BAZ2B: variants seen among roughly 807,000 people sequenced by gnomAD.
BAZ2B encodes the protein bromodomain adjacent to zinc finger domain protein 2B.
In BAZ2B, 91 loss-of-function variants were observed where a neutral mutation model predicts 246.0. That is an observed-to-expected ratio of 0.37 (90% CI 0.31 to 0.44). The LOEUF (loss-of-function observed/expected upper bound fraction) is 0.44, where lower values mean the gene tolerates loss of function less well. BAZ2B is among the 20% of genes least tolerant of loss of function. The pLI is 1.00. For synonymous variants in BAZ2B, 855 were observed against 860.0 expected (o/e 0.99, Z 0.10); for missense variants, 2,332 against 2,533.7 (o/e 0.92, Z 1.71).
chr2:159,686,188 C>G, the BAZ2B span, among the ~76,000 whole-genome samples: 1 of 152,068 alleles, frequency 6.6e-6, no homozygotes, highest in Admixed American at 6.6e-5. Context: ...AGCCCTTGAA[C>G]CCAGGAGTTC....
At chr2:159,335,537 C>T (rs925465415) in intron 33 of BAZ2B, among the ~76,000 whole-genome samples, 1 of 64,664 alleles carries the variant, frequency 1.5e-5, no homozygotes, top group Non-Finnish European at 3.5e-5. Flanking sequence ...AACAGAGACT[C>T]TGTCTCAAAA....
chr2:159,576,557 A>T (rs952819594), intron 1 of BAZ2B, among the ~76,000 whole-genome samples: 1 of 151,082 alleles, frequency 6.6e-6, no homozygotes, highest in African/African-American at 2.4e-5. Context: ...AGAACCCAGA[A>T]TTGGTAGTTT....
chr2:159,428,384 C>T lies in BAZ2B; in HGVS notation c.2291G>A (p.Gly764Glu). Residue 764 changes from glycine (G) to glutamate (E), a missense_variant, in exon 12 of 37, where the codon GGG becomes GAG. Coordinates refer to ENST00000392783, the MANE Select transcript of BAZ2B (RefSeq NM_013450.4). The stretch of plus-strand genomic sequence containing the variant: ...ATATGCTACTTCTCCTTGAAGGCGC[C>T]CTCCAAAGTTTCTTATTCTTGTCTC... The part of the protein sequence containing the change: ...QRETRIRNFG[G>E]RLQGEVAYYA... 6.2e-7 allele frequency: 1 copy of T among 1,613,126 alleles called. No individual in the cohort carries two copies. The highest frequency in any genetic ancestry group is 8.5e-7 in the Non-Finnish European group (1 of 1,179,558).
intron 1 of BAZ2B, among the ~76,000 whole-genome samples, chr2:159,560,471 GA>G (rs1309376469): frequency 9.9e-5 from 15 of 152,118 alleles, no homozygotes; most frequent in Admixed American, 7.2e-4. Flanking sequence ...TGTTATCTTG[GA>G]TTATGGACCA....
chr2:159,539,207 T>C (rs1443047739), intron 2 of BAZ2B, among the ~76,000 whole-genome samples: 1 of 152,200 alleles, frequency 6.6e-6, no homozygotes, highest in Non-Finnish European at 1.5e-5. Context: ...TGTGTCTGTC[T>C]CTCCAGTAGA....
At chr2:159,420,640 A>C (rs1443773802) in intron 13 of BAZ2B, among the ~76,000 whole-genome samples, 3 of 152,218 alleles carry the variant, frequency 2.0e-5, no homozygotes, top group African/African-American at 7.2e-5. Flanking sequence ...TTTCAAAATA[A>C]TACGTTATTA....
chr2:159,689,976 A>G, the BAZ2B span: 1 of 373,530 alleles, frequency 2.7e-6, no homozygotes, highest in Admixed American at 4.0e-5. Flanking sequence ...ATTGTCTGCC[A>G]TTTTTTGACC....
At chr2:159,358,302 G>A (rs2059329108) in intron 27 of BAZ2B, among the ~76,000 whole-genome samples, 1 of 152,034 alleles carries the variant, frequency 6.6e-6, no homozygotes, top group Admixed American at 6.6e-5. Flanking sequence ...AAAACAGAAG[G>A]GGTTGCAATC....
At chr2:159,698,244 A>C in the BAZ2B span, among the ~76,000 whole-genome samples, 44 of 152,138 alleles carry the variant, frequency 2.9e-4, no homozygotes, top group Non-Finnish European at 5.6e-4. Context: ...TTACTAGGCC[A>C]GGCATAGTGG....
At chr2:159,574,098 C>G (rs11897242) in intron 1 of BAZ2B, among the ~76,000 whole-genome samples, 5,637 of 150,652 alleles carry the variant, frequency 0.037, 340 homozygotes, top group African/African-American at 0.13. Flanking sequence ...GACCCAGACC[C>G]TGACAGATGG....
At chr2:159,388,137 TA>T (rs2062856131) in intron 21 of BAZ2B, among the ~76,000 whole-genome samples, 2 of 151,460 alleles carry the variant, frequency 1.3e-5, no homozygotes, top group Non-Finnish European at 2.9e-5. Context: ...AATAATAAAA[TA>T]AAATAAAAAA....
At chr2:159,534,643 T>G (rs1338625834) in intron 2 of BAZ2B, among the ~76,000 whole-genome samples, 1 of 152,074 alleles carries the variant, frequency 6.6e-6, no homozygotes, top group Admixed American at 6.5e-5. Context: ...TTTTTTTTTT[T>G]TCTGAGACGG....
At chr2:159,375,091 C>A (rs1383078015) in intron 25 of BAZ2B, among the ~76,000 whole-genome samples, 1 of 152,040 alleles carries the variant, frequency 6.6e-6, no homozygotes, top group African/African-American at 2.4e-5. Context: ...TCCTGCAGTC[C>A]CAGCTACTTG....
intron 8 of BAZ2B, 97 bp from the exon 9 acceptor site, chr2:159,433,460 A>G (rs1437634198): frequency 1.2e-5 from 13 of 1,065,282 alleles, no homozygotes; most frequent in South Asian, 1.7e-5. Flanking sequence ...TATAGCTATT[A>G]TATCATATAT....
At chr2:159,359,689 C>T (rs151013534) in intron 27 of BAZ2B, among the ~76,000 whole-genome samples, 2,118 of 152,216 alleles carry the variant, frequency 0.014, 37 homozygotes, top group Middle Eastern at 0.071. Flanking sequence ...TGATGAACAT[C>T]GATGCGAAAA....
chr2:159,530,011 C>G (rs532036583), intron 2 of BAZ2B, among the ~76,000 whole-genome samples: 1 of 152,146 alleles, frequency 6.6e-6, no homozygotes, highest in South Asian at 2.1e-4. Context: ...AAGCTTTCAA[C>G]TCTAACTTTT....
At chr2:159,510,853 A>G (rs2082846306) in intron 2 of BAZ2B, among the ~76,000 whole-genome samples, 1 of 151,994 alleles carries the variant, frequency 6.6e-6, no homozygotes, top group Non-Finnish European at 1.5e-5. Context: ...AACTCATAAT[A>G]TTTTACTTAC....
At chr2:159,562,453 C>A (rs181941055) in intron 1 of BAZ2B, among the ~76,000 whole-genome samples, 1 of 152,188 alleles carries the variant, frequency 6.6e-6, no homozygotes, top group Non-Finnish European at 1.5e-5. Context: ...CTTAGCACTT[C>A]GCAACATCTT....
At chr2:159,391,472 C>G (rs2063323327) in intron 20 of BAZ2B, among the ~76,000 whole-genome samples, 1 of 152,068 alleles carries the variant, frequency 6.6e-6, no homozygotes, top group African/African-American at 2.4e-5. Context: ...TCCATAACAG[C>G]AATTATAAAC....
Sources: gnomAD v4.1 joint callset for allele counts (sites outside exome capture counted in the v4.1 genomes callset) on GRCh38, gnomAD v4.1.1 for gene constraint, MANE v1.5 for transcripts, NCBI Gene and HGNC (gene_info 2026-07-23, HGNC 2026-07-21) for gene names.